LRP1: variants seen among roughly 807,000 people sequenced by gnomAD.
LRP1 encodes the protein LDL receptor related protein 1.
A neutral mutation model predicts 541.5 loss-of-function variants in LRP1; 51 were observed. That is an observed-to-expected ratio of 0.09 (90% CI 0.08 to 0.12). The LOEUF (loss-of-function observed/expected upper bound fraction) is 0.12. LRP1 is among the 10% of genes least tolerant of loss of function. LRP1 has a pLI of 1.00. For missense variants in LRP1, 3,878 were observed against 6,376.2 expected (o/e 0.61, Z 13.34); for synonymous variants, 2,219 against 2,470.8 (o/e 0.90, Z 3.02).
At chr12:57,191,856 C>CACCA (rs2036397115) in intron 44 of LRP1, among the ~76,000 whole-genome samples, 2 of 9,770 alleles carry the variant, frequency 2.0e-4, no homozygotes, top group East Asian at 3.2e-3. Context: ...ACACCACACA[C>CACCA]CACATACACA....
chr12:57,131,235 C>T (rs1159230907), intron 1 of LRP1, among the ~76,000 whole-genome samples: 1 of 152,204 alleles, frequency 6.6e-6, no homozygotes, highest in African/African-American at 2.4e-5. Context: ...CCCACCTCTT[C>T]TGCTTTCTCT....
rs769895130 is a variant in LRP1 at position 57,175,595 on chromosome 12, C to T, written c.3683C>T (p.Ala1228Val). ...ACCTGCCAGATCCAGAGCTACTGTG[C>T]CAAGCATCTCAAATGCAGCCAAAAG... is the stretch of plus-strand genomic sequence containing the variant. The part of the protein sequence containing the change: ...NHTCQIQSYC[A>V]KHLKCSQKCD... The change falls in exon 23 of 89, where the codon GCC (alanine) becomes GTC (valine). Residue 1228 changes from alanine to valine, a missense_variant. Around this residue, in one of 13 missense-constraint regions of LRP1, gnomAD observed 320 missense variants for 547.9 expected, o/e 0.58. Transcript: ENST00000243077. The T allele has an allele frequency of 1.2e-6, 2 of 1,613,728 alleles. No individual in the cohort carries two copies. Among genetic ancestry groups the T allele is most frequent in the Non-Finnish European group, 1.7e-6 (2 of 1,179,702 alleles).
chr12:57,200,557 C>A (rs772081609), intron 63 of LRP1, 22 bp downstream of exon 63: 9 of 1,602,244 alleles, frequency 5.6e-6, no homozygotes, highest in Non-Finnish European at 7.7e-6. Flanking sequence ...CTGGGGGTGA[C>A]AGGAGGGCCC....
chr12:57,136,268 C>T (rs1276071752), intron 1 of LRP1, among the ~76,000 whole-genome samples: 1 of 152,132 alleles, frequency 6.6e-6, no homozygotes, highest in African/African-American at 2.4e-5. Flanking sequence ...GCTAGGCCAT[C>T]CTTGATGTGT....
chr12:57,195,442 C>T (rs915351264), intron 52 of LRP1, 43 bp downstream of exon 52: 3 of 1,594,180 alleles, frequency 1.9e-6, no homozygotes, highest in African/African-American at 2.7e-5. Context: ...AGCAAATGGC[C>T]ACAGTCTCAC....
At chr12:57,202,155 G>A (rs1415987632) in intron 67 of LRP1, among the ~76,000 whole-genome samples, 1 of 151,838 alleles carries the variant, frequency 6.6e-6, no homozygotes, top group Non-Finnish European at 1.5e-5. Flanking sequence ...ACACATACCT[G>A]TGTGGAGTTT....
chr12:57,145,970 CG>C (rs1331490065), intron 6 of LRP1, among the ~76,000 whole-genome samples: 2 of 152,006 alleles, frequency 1.3e-5, no homozygotes, highest in African/African-American at 2.4e-5. Flanking sequence ...CTGCTGCCAT[CG>C]GGGGAGGGCA....
chr12:57,210,047 G>C lies in LRP1; in HGVS notation c.12458G>C (p.Arg4153Pro). Residue 4153 changes from arginine to proline, a missense_variant, in exon 81 of 89, where the codon CGC becomes CCC. Coordinates refer to ENST00000243077, the MANE Select transcript of LRP1 (RefSeq NM_002332.3). ...KQPEVTNPCD[R>P]KKCEWLCLLS... Reference sequence around the variant, plus strand: ...CCTGCAGTGACCAACCCATGTGACCGCAAGAAATGCGAGTGGCTCTGCCTG... The same window carrying C: ...CCTGCAGTGACCAACCCATGTGACCCCAAGAAATGCGAGTGGCTCTGCCTG... The C allele has an allele frequency of 6.2e-7, 1 of 1,610,776 alleles. No homozygotes were observed.
chr12:57,212,593 G>C lies in LRP1; in HGVS notation c.*38G>C, dbSNP rs1177877581. The C allele has an allele frequency of 6.5e-7, 1 of 1,539,658 alleles. No homozygotes were observed. The highest frequency in any genetic ancestry group is 1.3e-5 in the South Asian group (1 of 78,390). On this transcript the variant is annotated 3_prime_UTR_variant, in exon 89 of 89. Transcript: ENST00000243077. The surrounding 1 kb of genome is among the most constrained non-coding windows in gnomAD (Gnocchi z 5.0). Reference sequence around the variant, plus strand: ...TCGGACTGCCCCCAGAAAGCCTCCTGCCCCCTGCCAGTGAAGTCCTTCAGT... The same window carrying C: ...TCGGACTGCCCCCAGAAAGCCTCCTCCCCCCTGCCAGTGAAGTCCTTCAGT...
chr12:57,181,446 C>T (rs2036165606), intron 34 of LRP1, among the ~76,000 whole-genome samples, 155 bp downstream of exon 34: 1 of 151,868 alleles, frequency 6.6e-6, no homozygotes, highest in Non-Finnish European at 1.5e-5. Flanking sequence ...CTCTCCAGTG[C>T]CTCCAGTAGG....
Position 57,138,262 on chromosome 12 carries a change from A to C in LRP1, c.68-197A>C, listed in dbSNP as rs577444069. Among the ~76,000 whole-genome samples the C allele has an allele frequency of 1.4e-3, 204 of 150,810 alleles. No homozygotes were observed. The Middle Eastern group carries it at 0.014, about 10-fold the overall frequency. On this transcript the variant is annotated intron_variant, in intron 1 of 88. Coordinates refer to ENST00000243077, the MANE Select transcript of LRP1 (RefSeq NM_002332.3). ...TAAAATGTGCTTCTGGATCCTCCCC[A>C]CCCCCACCGCAGATACACAGTGTCT...
chr12:57,212,239 A>T lies in LRP1; in HGVS notation c.13472A>T (p.Asp4491Val). ...PDDVGGLLDA[D>V]FALDPDKPTN... ...GATGTGGGAGGCCTACTGGACGCTG[A>T]CTTTGCCCTGGACCCTGACAAGGTG... The change falls in exon 88 of 89, where the codon GAC (aspartate) becomes GTC (valine). Residue 4491 changes from aspartate (D) to valine (V), a missense_variant. Physicochemically the swap from Asp to Val is radical, Grantham distance 152. This residue lies in a region of LRP1 where 871 missense variants were observed against 1,212.4 expected (regional missense o/e 0.72). Coordinates refer to ENST00000243077, the MANE Select transcript of LRP1 (RefSeq NM_002332.3). The surrounding 1 kb of genome is among the most constrained non-coding windows in gnomAD (Gnocchi z 5.0). The T allele has an allele frequency of 6.2e-7, 1 of 1,613,680 alleles. No homozygotes were observed. Among genetic ancestry groups the T allele is most frequent in the Non-Finnish European group, 8.5e-7 (1 of 1,179,926 alleles).
chr12:57,167,122 C>T (rs372394546), intron 18 of LRP1, 76 bp downstream of exon 18: 41 of 1,243,406 alleles, frequency 3.3e-5, no homozygotes, highest in African/African-American at 2.7e-4. Context: ...TTGGGGGTGC[C>T]GGAGACACCT....
intron 34 of LRP1, 141 bp downstream of exon 34, chr12:57,181,432 A>G (rs2036165283): frequency 9.2e-7 from 1 of 1,085,324 alleles, no homozygotes. Context: ...TGAAGTGGCT[A>G]TGACTCTCCA....
Position 57,203,492 on chromosome 12 carries a change from G to A in LRP1, c.10922G>A (p.Gly3641Asp), listed in dbSNP as rs1175920652. ...RCDADADCMD[G>D]SDEEACGTGV... ...GACGCAGACGCCGACTGCATGGACG[G>A]CAGCGACGAGGAGGCCTGCGGCACT... The change falls in exon 70 of 89, where the codon GGC becomes GAC. Residue 3641 changes from glycine to aspartate, a missense_variant. Coordinates refer to ENST00000243077, the MANE Select transcript of LRP1 (RefSeq NM_002332.3). 6.4e-7 allele frequency: 1 copy of A among 1,561,766 alleles called. No homozygotes were observed. The highest frequency in any genetic ancestry group is 8.7e-7 in the Non-Finnish European group (1 of 1,151,760).
intron 79 of LRP1, 122 bp downstream of exon 79, chr12:57,209,321 C>A: frequency 1.3e-6 from 1 of 798,774 alleles, no homozygotes; most frequent in Non-Finnish European, 2.0e-6. Context: ...AGCAATGCTG[C>A]AGCGCCTTCC....
Position 57,195,869 on chromosome 12 carries a change from C to T in LRP1, c.8567C>T (p.Pro2856Leu), listed in dbSNP as rs778631227. ...AGGTCCATTCCTCCCCCAGAGTACCCGACCTGCGGCCCCAGTGAGTTCCGC... is the reference window on the plus strand; with the variant it reads ...AGGTCCATTCCTCCCCCAGAGTACCTGACCTGCGGCCCCAGTGAGTTCCGC... ...GSDESPECEY[P>L]TCGPSEFRCA... Residue 2856 changes from proline (P) to leucine (L), a missense_variant, in exon 54 of 89, where the codon CCG (proline) becomes CTG (leucine). Pro to Leu is a moderately conservative substitution (Grantham distance 98). Around this residue, in one of 13 missense-constraint regions of LRP1, gnomAD observed 1,100 missense variants for 1,827.4 expected, o/e 0.60. Transcript: ENST00000243077. The T allele has an allele frequency of 5.6e-6, 9 of 1,613,716 alleles. No homozygotes were observed. The highest frequency in any genetic ancestry group is 2.7e-5 in the African/African-American group (2 of 74,910).
chr12:57,142,158 C>G (rs567935896), intron 3 of LRP1, among the ~76,000 whole-genome samples: 1 of 152,366 alleles, frequency 6.6e-6, no homozygotes, highest in South Asian at 2.1e-4. Flanking sequence ...CCCAAAGGGC[C>G]CTGTGGGCCA....
At position 57,172,778 on chromosome 12, in the gene LRP1, G is replaced by A. The variant is rs144361667; in HGVS notation, c.3164-390G>A. ...TTAGAACCTAAGCTCCATGAGGGTA[G>A]GGACTTTGTCTGGTTCAGTGCTGGC... On this transcript the variant is annotated intron_variant, in intron 20 of 88. Transcript: ENST00000243077. Among the ~76,000 whole-genome samples, 316 of 152,314 alleles carry A rather than the reference G, an allele frequency of 2.1e-3. 6 individuals carry two copies. In the East Asian group the frequency reaches 0.053, roughly 26 times the overall value.
Sources: gnomAD v4.1 joint callset for allele counts (sites outside exome capture counted in the v4.1 genomes callset) on GRCh38, gnomAD v4.1.1 for gene constraint, gnomAD v4.1.1 regional missense constraint, Gnocchi (gnomAD v3.1) non-coding constraint, MANE v1.5 for transcripts, NCBI Gene and HGNC (gene_info 2026-07-23, HGNC 2026-07-21) for gene names.